The following DIAPH2 variants were observed in gnomAD, a reference collection of about 807,000 sequenced individuals.
DIAPH2 encodes the protein protein diaphanous homolog 2.
In DIAPH2, 35 loss-of-function variants were observed where a neutral mutation model predicts 92.7. That is an observed-to-expected ratio of 0.38 (90% CI 0.29 to 0.50). The LOEUF is 0.50. DIAPH2 is among the 20% of genes least tolerant of loss of function. DIAPH2 has a pLI of 0.94. For synonymous variants in DIAPH2, 301 were observed against 280.4 expected, an observed-to-expected ratio of 1.07 and a Z score of -0.73; for missense variants, 701 against 819.5, an observed-to-expected ratio of 0.86 and a Z score of 1.77.
intron 1 of DIAPH2, among the ~76,000 whole-genome samples, chrX:96,720,600 T>C (rs2147548859): frequency 8.9e-6 from 1 of 111,751 alleles, no homozygotes. Flanking sequence ...AGCTAGAACA[T>C]TCTCATTGGT....
chrX:97,230,033 G>T (rs1021156704), intron 22 of DIAPH2, among the ~76,000 whole-genome samples: 2 of 109,503 alleles, frequency 1.8e-5, no homozygotes, highest in Non-Finnish European at 3.8e-5. Context: ...TCTGAATGGT[G>T]GGAAGGAGAA....
At chrX:97,112,665 T>C (rs1317403709) in intron 20 of DIAPH2, among the ~76,000 whole-genome samples, 1 of 108,970 alleles carries the variant, frequency 9.2e-6, no homozygotes, top group African/African-American at 3.3e-5. Context: ...CATATATACC[T>C]AGCCTATAAA....
intron 25 of DIAPH2, among the ~76,000 whole-genome samples, chrX:97,389,485 AAGG>A (rs1368988329): frequency 1.9e-5 from 2 of 107,743 alleles, no homozygotes; most frequent in African/African-American, 6.7e-5. Flanking sequence ...AAAAAAAAAA[AAGG>A]AGCCTATCCA....
intron 17 of DIAPH2, among the ~76,000 whole-genome samples, chrX:96,989,551 G>A (rs757888591): frequency 8.9e-6 from 1 of 111,829 alleles, no homozygotes; most frequent in African/African-American, 3.2e-5. Flanking sequence ...AGGTATTTTA[G>A]CACCATTATA....
At chrX:96,857,767 C>T (rs2065049180) in intron 4 of DIAPH2, among the ~76,000 whole-genome samples, 1 of 112,556 alleles carries the variant, frequency 8.9e-6, no homozygotes, top group African/African-American at 3.2e-5. Flanking sequence ...TGAATTTCAA[C>T]AGCACAGTCA....
chrX:97,128,055 C>G (rs2067105530), intron 21 of DIAPH2, among the ~76,000 whole-genome samples: 1 of 110,671 alleles, frequency 9.0e-6, no homozygotes, highest in South Asian at 3.9e-4. Context: ...GGATCTCGCA[C>G]AAGAAAGAAT....
chrX:96,855,574 A>G (rs915519016), intron 4 of DIAPH2, among the ~76,000 whole-genome samples: 1 of 108,889 alleles, frequency 9.2e-6, no homozygotes, highest in Non-Finnish European at 1.9e-5. Context: ...AGATATAGAT[A>G]TAAATATAAA....
At chrX:96,907,946 A>G (rs1287911244) in intron 5 of DIAPH2, among the ~76,000 whole-genome samples, 2 of 112,225 alleles carry the variant, frequency 1.8e-5, no homozygotes, top group Non-Finnish European at 3.8e-5. Context: ...GGAATGGAAT[A>G]CTAATACATG....
At chrX:96,710,767 T>C (rs2063912980) in intron 1 of DIAPH2, among the ~76,000 whole-genome samples, 1 of 111,084 alleles carries the variant, frequency 9.0e-6, no homozygotes, top group African/African-American at 3.3e-5. Context: ...GGATAAGTTC[T>C]TTAGTGGTGA....
chrX:97,275,386 C>T (rs1345375689), intron 23 of DIAPH2, among the ~76,000 whole-genome samples: 2 of 107,109 alleles, frequency 1.9e-5, no homozygotes, highest in Non-Finnish European at 3.9e-5. Context: ...CCCCCACCTC[C>T]CTCCTGGGTG....
intron 25 of DIAPH2, among the ~76,000 whole-genome samples, chrX:97,395,855 G>A (rs1397557673): frequency 8.9e-6 from 1 of 112,316 alleles, no homozygotes; most frequent in Non-Finnish European, 1.9e-5. Flanking sequence ...TGCAAAAACT[G>A]TAAGAGCTGT....
intron 26 of DIAPH2, among the ~76,000 whole-genome samples, chrX:97,594,227 T>A (rs1416498968): frequency 9.0e-6 from 1 of 110,882 alleles, no homozygotes; most frequent in African/African-American, 3.3e-5. Context: ...GACACTATTC[T>A]GGTCACAGTG....
chrX:97,249,814 C>A (rs2068173337), intron 23 of DIAPH2, among the ~76,000 whole-genome samples: 1 of 111,814 alleles, frequency 8.9e-6, no homozygotes, highest in Non-Finnish European at 1.9e-5. Context: ...AAAAATAGAA[C>A]CATGAGCCAG....
At chrX:96,876,528 A>G (rs2065179995) in intron 4 of DIAPH2, among the ~76,000 whole-genome samples, 1 of 112,156 alleles carries the variant, frequency 8.9e-6, no homozygotes, top group South Asian at 3.7e-4. Context: ...CAACAATCAT[A>G]GACTGGATTA....
chrX:96,850,216 G>T lies in DIAPH2; in HGVS notation c.448-31363G>T, dbSNP rs1156714295. Among the ~76,000 whole-genome samples the T allele has an allele frequency of 3.6e-5, 4 of 111,047 alleles. No homozygotes were observed. In the East Asian group the frequency reaches 8.4e-4, roughly 23 times the overall value. ...ACACATGGTATGTTTACATTAAATT[G>T]GTCTCATGTCTTAAAAAGCATTTGT... On this transcript the variant is annotated intron_variant, in intron 4 of 26. Transcript: ENST00000324765.
intron 17 of DIAPH2, among the ~76,000 whole-genome samples, chrX:96,970,728 T>A (rs2065922887): frequency 9.0e-6 from 1 of 111,457 alleles, no homozygotes; most frequent in Admixed American, 9.6e-5. Flanking sequence ...GATTTTTGGG[T>A]ATCAATGTCA....
intron 17 of DIAPH2, among the ~76,000 whole-genome samples, chrX:97,003,555 A>G (rs758933937): frequency 3.8e-4 from 43 of 112,301 alleles, no homozygotes; most frequent in Non-Finnish European, 4.7e-4. Context: ...CCGATGATCA[A>G]TGATATTGAG....
At chrX:96,694,987 G>A (rs1158807577) in intron 1 of DIAPH2, among the ~76,000 whole-genome samples, 3 of 96,626 alleles carry the variant, frequency 3.1e-5, no homozygotes, top group Non-Finnish European at 4.1e-5. Flanking sequence ...TCGCTCTGTC[G>A]CCCGGGCTGA....
intron 26 of DIAPH2, among the ~76,000 whole-genome samples, chrX:97,517,239 A>AT (rs2070955890): frequency 8.9e-6 from 1 of 112,231 alleles, no homozygotes; most frequent in Admixed American, 9.5e-5. Flanking sequence ...GGATAATTTT[A>AT]TTTATTCATT....
Sources: gnomAD v4.1 joint callset for allele counts (sites outside exome capture counted in the v4.1 genomes callset) on GRCh38, gnomAD v4.1.1 for gene constraint, MANE v1.5 for transcripts, NCBI Gene and HGNC (gene_info 2026-07-23, HGNC 2026-07-21) for gene names.